The following TSC22D4 variants were observed in gnomAD, a reference collection of about 807,000 sequenced individuals.
The protein encoded by TSC22D4 is TSC22 domain family protein 4.
In TSC22D4, 5 loss-of-function variants were observed where a neutral mutation model predicts 24.9. The observed-to-expected ratio is 0.20, with a 90% CI of 0.10 to 0.42. The LOEUF (loss-of-function observed/expected upper bound fraction) is 0.42. TSC22D4 is among the 10% of genes least tolerant of loss of function. The pLI, the probability that TSC22D4 is intolerant of heterozygous loss-of-function variation, is 1.00. For missense variants in TSC22D4, 469 were observed against 547.9 expected (o/e 0.86, Z 1.44); for synonymous variants, 245 against 243.2 (o/e 1.01, Z -0.07).
chr7:100,468,329 C>T lies in TSC22D4; in HGVS notation c.930-729G>A, dbSNP rs186279151. Among the ~76,000 whole-genome samples the T allele has an allele frequency of 7.4e-4, 113 of 152,172 alleles. 1 individual carries two copies. Among genetic ancestry groups the T allele is most frequent in the African/African-American group, 2.4e-3 (100 of 41,528 alleles). On this transcript the variant is annotated intron_variant, in intron 3 of 4. Transcript: ENST00000300181. ...CGTGGGGCAGAAGCCTGGGTCTGAG[C>T]GGGGAGTGAAGGGTGTGAAGGGAGA...
In TSC22D4 at chr7:100,474,552, A is replaced by G. The variant is rs1425224198; in HGVS notation, c.763-112T>C. 5.5e-6 allele frequency: 7 copies of G among 1,275,672 alleles called. No homozygotes were observed. The highest frequency in any genetic ancestry group is 2.5e-4 in the Middle Eastern group (1 of 4,012). 79.0% of individuals were successfully genotyped at this position (1,275,672 alleles called of 1,614,324 possible). On this transcript the variant is annotated intron_variant, in intron 2 of 4. Coordinates refer to ENST00000300181, the MANE Select transcript of TSC22D4 (RefSeq NM_030935.5). This position sits in a 1 kb window ranked among gnomAD's most constrained non-coding sequence, Gnocchi z 4.3. ...CTCTCCACCTCCCCACTCTCTTTCGAGGACCCAGGAGTCCTGTCCCCGCAG... is the reference window on the plus strand; with the variant it reads ...CTCTCCACCTCCCCACTCTCTTTCGGGGACCCAGGAGTCCTGTCCCCGCAG...
At chr7:100,468,025 CG>C in intron 3 of TSC22D4, 2 of 455,742 alleles carry the variant, frequency 4.4e-6, no homozygotes, top group Non-Finnish European at 9.0e-6. Flanking sequence ...CAGAGCCCCC[CG>C]GGCAGAGCAG....
At chr7:100,478,398 T>TGTGTGA (rs1799558691) in intron 1 of TSC22D4, 91 bp from the exon 2 acceptor site, 1 of 208,380 alleles carries the variant, frequency 4.8e-6, no homozygotes, top group Non-Finnish European at 9.3e-6. Context: ...TGTGTGTGTG[T>TGTGTGA]GTGAAACCAG....
rs1412781478 is a variant in TSC22D4 at position 100,471,949 on chromosome 7, CG to C, written c.929+2324del. On this transcript the variant is annotated intron_variant, in intron 3 of 4. Transcript: ENST00000300181. ...TGTATAATGCCTGGATCCCCCAGGC[CG>C]GTCACTGCCCCCACCCCCATTCCTT... 3.9e-5 allele frequency among the ~76,000 whole-genome samples: 6 copies of C among 152,078 alleles called. No individual in the cohort carries two copies. In the East Asian group the frequency reaches 1.2e-3, roughly 29 times the overall value.
At position 100,477,071 on chromosome 7, in the gene TSC22D4, G is replaced by A. The variant is rs904860547; in HGVS notation, c.762+206C>T. 1.8e-4 allele frequency among the ~76,000 whole-genome samples: 27 copies of A among 152,144 alleles called. No individual in the cohort carries two copies. Among genetic ancestry groups the A allele is most frequent in the African/African-American group, 6.0e-4 (25 of 41,426 alleles). ...CAGAGGCCAGGGAGAAAGAGAGAGG[G>A]TGCAGAAAAACAGGAAGGAGGCTGA... On this transcript the variant is annotated intron_variant, in intron 2 of 4. Coordinates refer to ENST00000300181, the MANE Select transcript of TSC22D4 (RefSeq NM_030935.5). The surrounding 1 kb of genome is among the most constrained non-coding windows in gnomAD (Gnocchi z 7.8).
chr7:100,477,878 C>T lies in TSC22D4; in HGVS notation c.161G>A (p.Gly54Asp). The T allele has an allele frequency of 3.2e-6, 5 of 1,579,720 alleles. No individual in the cohort carries two copies. Among genetic ancestry groups the T allele is most frequent in the Non-Finnish European group, 2.6e-6 (3 of 1,164,660 alleles). The change falls in exon 2 of 5, where the codon GGC (glycine) becomes GAC (aspartate). Residue 54 changes from glycine to aspartate, a missense_variant. Transcript: ENST00000300181. This position sits in a 1 kb window ranked among gnomAD's most constrained non-coding sequence, Gnocchi z 7.8. ...GGAGCCATTCCGGGGGGTGCCCTTG[C>T]CCCCCGGATCGGGGCTGGGCTCCCC... ...PNGEPSPDPGGKGTPRNGSPP... is the reference protein window; with the variant it reads ...PNGEPSPDPGDKGTPRNGSPP...
At chr7:100,473,077 G>C (rs1170511735) in intron 3 of TSC22D4, among the ~76,000 whole-genome samples, 1 of 152,164 alleles carries the variant, frequency 6.6e-6, no homozygotes, top group African/African-American at 2.4e-5. Flanking sequence ...AGGCAGCCTG[G>C]CTATCTCTGA....
Position 100,466,743 on chromosome 7 carries a change from G to A in TSC22D4, c.*216C>T, listed in dbSNP as rs1799284269. On this transcript the variant is annotated 3_prime_UTR_variant, in exon 5 of 5. Transcript: ENST00000300181. ...GGGTGGGGGTTGGTTCCCTCCCAGA[G>A]GGGGCTCCCTCTGACGCCCCGTCCT... The A allele has an allele frequency of 8.6e-6, 5 of 582,928 alleles. No homozygotes were observed. The South Asian group carries it at 9.9e-5, about 11-fold the overall frequency. 36.1% of individuals were successfully genotyped at this position (582,928 alleles called of 1,614,324 possible).
chr7:100,468,114 C>A (rs950964557), intron 3 of TSC22D4: 3 of 349,252 alleles, frequency 8.6e-6, no homozygotes. Context: ...ACCACCCCCC[C>A]AAGGGCAAGG....
In TSC22D4 at chr7:100,477,419, G is replaced by A. The variant is rs1303426558; in HGVS notation, c.620C>T (p.Ser207Phe). 6.3e-7 allele frequency: 1 copy of A among 1,591,244 alleles called. No individual in the cohort carries two copies. The highest frequency in any genetic ancestry group is 1.8e-5 in the Admixed American group (1 of 56,004). ...AGAGGGCAGGGGCGTGGCAGCCCGG[G>A]ATGTGCCCGCACTCTCACCGGTCTC... is the stretch of plus-strand genomic sequence containing the variant. ...EPETGESAGT[S>F]RAATPLPSLR... is the part of the protein sequence containing the mutation. The change falls in exon 2 of 5, where the codon TCC (serine) becomes TTC (phenylalanine). Residue 207 changes from serine (S) to phenylalanine (F), a missense_variant. Coordinates refer to ENST00000300181, the MANE Select transcript of TSC22D4 (RefSeq NM_030935.5). The surrounding 1 kb of genome is among the most constrained non-coding windows in gnomAD (Gnocchi z 7.8).
intron 1 of TSC22D4, 43 bp from the exon 2 acceptor site, chr7:100,478,350 A>AGAGAGAGAGAGTGTGT (rs1228276528): frequency 3.6e-5 from 3 of 82,804 alleles, no homozygotes; most frequent in African/African-American, 2.2e-4. Flanking sequence ...AGAGAGAGAG[A>AGAGAGAGAGAGTGTGT]GTGTGTGTGT....
intron 2 of TSC22D4, among the ~76,000 whole-genome samples, chr7:100,475,950 G>A (rs1230969102): frequency 1.3e-5 from 2 of 151,946 alleles, no homozygotes; most frequent in African/African-American, 2.4e-5. Flanking sequence ...AGGCATGAGG[G>A]GACGTGGAAG....
intron 3 of TSC22D4, among the ~76,000 whole-genome samples, chr7:100,469,865 G>A (rs995516230): frequency 1.3e-5 from 2 of 152,198 alleles, no homozygotes; most frequent in Admixed American, 1.3e-4. Context: ...CAAGGGAGCT[G>A]GGAATTTTCC....
intron 4 of TSC22D4, 137 bp downstream of exon 4, chr7:100,467,415 G>A: frequency 6.9e-6 from 7 of 1,012,180 alleles, no homozygotes; most frequent in Non-Finnish European, 9.1e-6. Context: ...GGGGGCAGAG[G>A]ATGCCCAGCA....
rs1332992348 is a variant in TSC22D4 at position 100,466,801 on chromosome 7, G to A, written c.*158C>T. The A allele has an allele frequency of 2.7e-6, 2 of 737,788 alleles. No homozygotes were observed. The highest frequency in any genetic ancestry group is 4.4e-6 in the Non-Finnish European group (2 of 455,884). The allele number at this position is 737,788 out of a possible 1,614,324, so 45.7% of individuals were successfully genotyped here. ...TCCCTCCTCCATCAAGGCTGGGGAT[G>A]ATGAGGAGATGGGGCAGGGGCCGGG... On this transcript the variant is annotated 3_prime_UTR_variant, in exon 5 of 5. Coordinates refer to ENST00000300181, the MANE Select transcript of TSC22D4 (RefSeq NM_030935.5).
At chr7:100,471,006 T>C (rs1363679335) in intron 3 of TSC22D4, among the ~76,000 whole-genome samples, 1 of 151,834 alleles carries the variant, frequency 6.6e-6, no homozygotes, top group Non-Finnish European at 1.5e-5. Context: ...TCTTTGAGGG[T>C]CAAATAAAAC....
chr7:100,475,478 C>A (rs58497263), intron 2 of TSC22D4, among the ~76,000 whole-genome samples: 5,037 of 152,274 alleles, frequency 0.033, 292 homozygotes, highest in African/African-American at 0.11. Context: ...TTTTATAGCA[C>A]CTAACATTAT....
intron 3 of TSC22D4, among the ~76,000 whole-genome samples, chr7:100,471,539 A>C (rs1370329418): frequency 6.6e-6 from 1 of 152,138 alleles, no homozygotes; most frequent in Non-Finnish European, 1.5e-5. Flanking sequence ...CAGGAGTTTG[A>C]GATCAGCCTG....
chr7:100,469,572 G>T (rs1799356341), intron 3 of TSC22D4, among the ~76,000 whole-genome samples: 1 of 151,988 alleles, frequency 6.6e-6, no homozygotes, highest in African/African-American at 2.4e-5. Flanking sequence ...ATCCTCCAAG[G>T]CTCCCTCTCC....
Sources: allele counts gnomAD v4.1 joint callset (sites outside exome capture counted in the v4.1 genomes callset), GRCh38; gene constraint gnomAD v4.1.1; non-coding constraint Gnocchi (gnomAD v3.1); transcripts MANE v1.5; gene names NCBI Gene and HGNC (gene_info 2026-07-23, HGNC 2026-07-21).